SETD2: variants seen among roughly 807,000 people sequenced by gnomAD.
The protein encoded by SETD2 is histone-lysine N-methyltransferase SETD2.
Under a neutral mutation model 242.1 loss-of-function variants are expected in SETD2, and 31 were observed. The observed-to-expected ratio is 0.13, with a 90% CI of 0.10 to 0.17. SETD2 has a LOEUF of 0.17. Ranked by LOEUF, SETD2 falls within the 10% of genes least tolerant of loss-of-function variation. SETD2 has a pLI of 1.00. For synonymous variants in SETD2, 1,006 were observed against 1,066.5 expected (o/e 0.94, Z 1.11); for missense variants, 2,481 against 3,046.3 (o/e 0.81, Z 4.37).
In SETD2 at chr3:47,123,103, A is replaced by G. The variant is rs1448872145; in HGVS notation, c.1533T>C (p.Ser511=). The change falls in exon 3 of 21, where the codon TCT becomes TCC. Residue 511 remains serine, a synonymous_variant. Transcript: ENST00000409792. ...YLEMERRGKY[S]SKLERESKRT... is the part of the protein sequence containing the mutation. ...TTTTAGATTCTCTTTCTAGTTTTGA[A>G]GAATACTTGCCTCTTCTTTCCATCT... The G allele has an allele frequency of 6.2e-7, 1 of 1,613,488 alleles. No homozygotes were observed.
At chr3:47,119,798 T>C (rs975557008) in intron 3 of SETD2, 6 of 473,868 alleles carry the variant, frequency 1.3e-5, no homozygotes, top group Non-Finnish European at 2.6e-5. Flanking sequence ...TTTTTGAAAA[T>C]AAAATCCAAA....
chr3:47,133,386 A>AT (rs2043523133), intron 1 of SETD2, among the ~76,000 whole-genome samples: 1 of 152,130 alleles, frequency 6.6e-6, no homozygotes, highest in African/African-American at 2.4e-5. Context: ...TTCTGTAATT[A>AT]TTTTTTAAAC....
At position 47,120,882 on chromosome 3, in the gene SETD2, A is replaced by T. The variant is rs146583143; in HGVS notation, c.3754T>A (p.Ser1252Thr). The change falls in exon 3 of 21, where the codon TCA becomes ACA. Residue 1252 changes from serine (S) to threonine (T), a missense_variant. Coordinates refer to ENST00000409792, the MANE Select transcript of SETD2 (RefSeq NM_014159.7). ...CAACCTAAGTTTCTGAGCTCTTCTG[A>T]TGAGTGCAAGCCATCCACATGTGGT... ...EIPHVDGLHSSEELRNLGWDF... is the reference protein window; with the variant it reads ...EIPHVDGLHSTEELRNLGWDF... The T allele has an allele frequency of 1.2e-6, 2 of 1,614,076 alleles. No homozygotes were observed. Among genetic ancestry groups the T allele is most frequent in the African/African-American group, 2.7e-5 (2 of 74,940 alleles).
rs761770347 is a variant in SETD2 at position 47,120,829 on chromosome 3, G to A, written c.3807C>T (p.Thr1269=). 6.2e-7 allele frequency: 1 copy of A among 1,614,176 alleles called. No individual in the cohort carries two copies. The highest frequency in any genetic ancestry group is 1.1e-5 in the South Asian group (1 of 91,088). The change falls in exon 3 of 21, where the codon ACC becomes ACT. Residue 1269 remains threonine, a synonymous_variant. Coordinates refer to ENST00000409792, the MANE Select transcript of SETD2 (RefSeq NM_014159.7). ...GWDFSQEKPS[T]TYQQPDSSYG... is the part of the protein sequence containing the mutation. ...AGCTACTGTCAGGTTGCTGATACGT[G>A]GTAGAAGGCTTTTCTTGAGAGAAGT...
intron 12 of SETD2, chr3:47,080,721 A>T: frequency 2.3e-6 from 2 of 858,170 alleles, no homozygotes; most frequent in Non-Finnish European, 2.8e-6. Context: ...GTTGAGGTCT[A>T]CTTTAGGAGT....
At chr3:47,026,856 G>A (rs1370172004) in intron 18 of SETD2, among the ~76,000 whole-genome samples, 9 of 152,140 alleles carry the variant, frequency 5.9e-5, no homozygotes, top group Non-Finnish European at 1.2e-4. Flanking sequence ...ACCTCATGTA[G>A]GTGATGGGTT....
At chr3:47,101,929 G>C (rs958418471) in intron 7 of SETD2, among the ~76,000 whole-genome samples, 1 of 152,160 alleles carries the variant, frequency 6.6e-6, no homozygotes, top group South Asian at 2.1e-4. Context: ...TTGTGTCACT[G>C]AGTATCAAAG....
At chr3:47,146,903 A>C (rs2043868466) in intron 1 of SETD2, among the ~76,000 whole-genome samples, 1 of 151,900 alleles carries the variant, frequency 6.6e-6, no homozygotes, top group African/African-American at 2.4e-5. Flanking sequence ...TTGCATTACT[A>C]GTCCACTCTA....
intron 12 of SETD2, among the ~76,000 whole-genome samples, chr3:47,067,606 G>T (rs940416721): frequency 6.6e-6 from 1 of 151,586 alleles, no homozygotes; most frequent in Non-Finnish European, 1.5e-5. Flanking sequence ...GTAGAGATGG[G>T]GTTTTATCAC....
intron 8 of SETD2, among the ~76,000 whole-genome samples, chr3:47,098,870 G>A (rs1358399106): frequency 6.6e-6 from 1 of 152,128 alleles, no homozygotes; most frequent in Non-Finnish European, 1.5e-5. Flanking sequence ...GTGGCAATTA[G>A]AGGGATAAAA....
intron 12 of SETD2, among the ~76,000 whole-genome samples, chr3:47,080,191 T>A (rs530424793): frequency 6.6e-6 from 1 of 152,340 alleles, no homozygotes; most frequent in Admixed American, 6.5e-5. Context: ...GGGAAATACT[T>A]GATTTGCTGA....
chr3:47,084,038 A>G lies in SETD2; in HGVS notation c.5742T>C (p.Asn1914=), dbSNP rs763453937. ...DGKEDLDQLE[N]VPVEEEEELQ... Reference sequence around the variant, plus strand: ...ATTCTTCCTCTTCCTCTACAGGGACATTTTCTAATTGATCAAGATCCTCTT... The same window carrying G: ...ATTCTTCCTCTTCCTCTACAGGGACGTTTTCTAATTGATCAAGATCCTCTT... The change falls in exon 12 of 21, where the codon AAT becomes AAC. Residue 1914 remains asparagine, a synonymous_variant. Transcript: ENST00000409792. The G allele has an allele frequency of 6.2e-7, 1 of 1,614,074 alleles. No homozygotes were observed. The highest frequency in any genetic ancestry group is 8.5e-7 in the Non-Finnish European group (1 of 1,180,010).
intron 16 of SETD2, among the ~76,000 whole-genome samples, chr3:47,043,710 A>G (rs577076241): frequency 6.6e-6 from 1 of 152,166 alleles, no homozygotes; most frequent in African/African-American, 2.4e-5. Flanking sequence ...GTCTTTGAGC[A>G]TTCTTGCTTT....
At chr3:47,083,115 C>A (rs2041387297) in intron 12 of SETD2, among the ~76,000 whole-genome samples, 1 of 152,172 alleles carries the variant, frequency 6.6e-6, no homozygotes, top group South Asian at 2.1e-4. Context: ...GCAAACCCTG[C>A]ACATCTTGCT....
chr3:47,069,723 T>C (rs1231269227), intron 12 of SETD2, among the ~76,000 whole-genome samples: 1 of 152,158 alleles, frequency 6.6e-6, no homozygotes, highest in Admixed American at 6.6e-5. Context: ...GAGGGACATC[T>C]GAAGTTACTG....
chr3:47,164,055 C>G lies in SETD2; in HGVS notation c.-131G>C. The G allele has an allele frequency of 8.3e-7, 1 of 1,209,478 alleles. No individual in the cohort carries two copies. Among genetic ancestry groups the G allele is most frequent in the Non-Finnish European group, 1.0e-6 (1 of 968,890 alleles). The allele number at this position is 1,209,478 out of a possible 1,614,324, so 74.9% of individuals were successfully genotyped here. On this transcript the variant is annotated 5_prime_UTR_variant, in exon 1 of 21. Transcript: ENST00000409792. This position sits in a 1 kb window ranked among gnomAD's most constrained non-coding sequence, Gnocchi z 5.4. ...GGCGGCGGCGGCGGCAGGGGCGGCC[C>G]GCGTCGCTACCTCGCTCGTCGCTCC...
intron 12 of SETD2, 92 bp downstream of exon 12, chr3:47,083,627 GC>G: frequency 1.7e-6 from 2 of 1,154,142 alleles, no homozygotes; most frequent in Non-Finnish European, 2.5e-6. Flanking sequence ...TCAGAAATAT[GC>G]ATGGCTAAAA....
Position 47,121,913 on chromosome 3 carries a change from A to C in SETD2, c.2723T>G (p.Leu908Arg), listed in dbSNP as rs148490530. ...LKCGENTSPV[L>R]DAVLKSKKSS... is the part of the protein sequence containing the mutation. ...TTTTTTACTCTTTAGCACTGCATCC[A>C]GAACTGGAGATGTGTTCTCTCCGCA... Residue 908 changes from leucine to arginine, a missense_variant, in exon 3 of 21, where the codon CTG (leucine) becomes CGG (arginine). This residue lies in a region of SETD2 where 1,300 missense variants were observed against 1,259.2 expected (regional missense o/e 1.03). Coordinates refer to ENST00000409792, the MANE Select transcript of SETD2 (RefSeq NM_014159.7). The C allele has an allele frequency of 3.1e-6, 5 of 1,614,014 alleles. 1 individual carries two copies. Among genetic ancestry groups the C allele is most frequent in the African/African-American group, 1.3e-5 (1 of 75,052 alleles).
chr3:47,148,657 TAAA>T, intron 1 of SETD2, among the ~76,000 whole-genome samples: 1 of 152,206 alleles, frequency 6.6e-6, no homozygotes, highest in East Asian at 1.9e-4. Flanking sequence ...ATTAGGGTCT[TAAA>T]TTAATGATGT....
Sources: gnomAD v4.1 joint callset for allele counts (sites outside exome capture counted in the v4.1 genomes callset) on GRCh38, gnomAD v4.1.1 for gene constraint, gnomAD v4.1.1 regional missense constraint, Gnocchi (gnomAD v3.1) non-coding constraint, MANE v1.5 for transcripts, NCBI Gene and HGNC (gene_info 2026-07-23, HGNC 2026-07-21) for gene names.